The following RFX8 variants were observed in gnomAD, a reference collection of about 807,000 sequenced individuals.
RFX8 encodes DNA-binding protein RFX8.
In RFX8, 46 loss-of-function variants were observed where a neutral mutation model predicts 54.6. That is an observed-to-expected ratio of 0.84 (90% CI 0.67 to 1.08). The LOEUF is 1.08. Among genes scored for constraint, RFX8 ranks in the 50% least tolerant of loss-of-function variants. The pLI is 0.00. For missense variants in RFX8, 536 were observed against 562.3 expected (o/e 0.95, Z 0.47); for synonymous variants, 192 against 209.5 (o/e 0.92, Z 0.72).
rs1369973138 is a variant in RFX8 at position 101,405,023 on chromosome 2, T to C, written c.928+920A>G. On this transcript the variant is annotated intron_variant, in intron 10 of 11. Transcript: ENST00000428343. ...TGCAAACTCACAGGAGTGGAGACTTTATCTTTCCACTGCTGTATGCCCAGT... is the reference window on the plus strand; with the variant it reads ...TGCAAACTCACAGGAGTGGAGACTTCATCTTTCCACTGCTGTATGCCCAGT... Among the ~76,000 whole-genome samples the C allele has an allele frequency of 5.3e-5, 8 of 152,196 alleles. No homozygotes were observed. In the South Asian group the frequency reaches 1.2e-3, roughly 24 times the overall value.
intron 9 of RFX8, among the ~76,000 whole-genome samples, chr2:101,408,826 C>T (rs1360867181): frequency 6.6e-6 from 1 of 152,190 alleles, no homozygotes; most frequent in Non-Finnish European, 1.5e-5. Flanking sequence ...AAGTCCCCTG[C>T]AGTCTTCTTG....
At position 101,421,837 on chromosome 2, in the gene RFX8, T is replaced by C. The variant is rs1162265553; in HGVS notation, c.184-60A>G. 8 of 1,276,226 alleles carry C rather than the reference T, an allele frequency of 6.3e-6. No homozygotes were observed. In the East Asian group the frequency reaches 7.7e-5, roughly 12 times the overall value. The allele number at this position is 1,276,226 out of a possible 1,614,324, so 79.1% of individuals were successfully genotyped here. A position where few individuals can be genotyped will look rare whatever the true frequency, so the allele number is the denominator to read the frequency against. Reference sequence around the variant, plus strand: ...GGCCTTTTCAATAATGAACTGATCTTCACAGACTTTTCTGAAGCTCTCAGA... The same window carrying C: ...GGCCTTTTCAATAATGAACTGATCTCCACAGACTTTTCTGAAGCTCTCAGA... On this transcript the variant is annotated intron_variant, in intron 3 of 11. Coordinates refer to ENST00000428343, the MANE Select transcript of RFX8 (RefSeq NM_001145664.2).
At chr2:101,454,244 G>C (rs1688847619) in intron 2 of RFX8, among the ~76,000 whole-genome samples, 1 of 152,126 alleles carries the variant, frequency 6.6e-6, no homozygotes, top group Non-Finnish European at 1.5e-5. Context: ...TTTTATGGCT[G>C]CATAGTATTC....
At chr2:101,451,689 CAAA>C (rs11441528) in intron 2 of RFX8, among the ~76,000 whole-genome samples, 9 of 111,580 alleles carry the variant, frequency 8.1e-5, no homozygotes, top group Admixed American at 9.8e-5. Flanking sequence ...AACTCCGTCT[CAAA>C]AAAAAAAAAA....
At position 101,426,392 on chromosome 2, in the gene RFX8, G is replaced by A. The variant is rs1432233318; in HGVS notation, c.73-3920C>T. Among the ~76,000 whole-genome samples, 7 of 152,126 alleles carry A rather than the reference G, an allele frequency of 4.6e-5. No homozygotes were observed. The East Asian group carries it at 9.7e-4, about 21-fold the overall frequency. ...AACATTTCTGGGCATGGTGACATAC[G>A]CCTGTAGTCCTAAATACTCAGGAGG... On this transcript the variant is annotated intron_variant, in intron 2 of 11. Coordinates refer to ENST00000428343, the MANE Select transcript of RFX8 (RefSeq NM_001145664.2).
chr2:101,412,783 G>T, intron 8 of RFX8, 132 bp downstream of exon 8: 1 of 915,504 alleles, frequency 1.1e-6, no homozygotes, highest in Non-Finnish European at 1.6e-6. Context: ...AGAGAAGTGT[G>T]AGCAGACAAC....
intron 2 of RFX8, among the ~76,000 whole-genome samples, chr2:101,451,026 C>T (rs1053799070): frequency 6.6e-6 from 1 of 152,038 alleles, no homozygotes; most frequent in African/African-American, 2.4e-5. Context: ...ACCCATTAAC[C>T]TTTTTCAGGT....
chr2:101,430,925 A>G (rs183740220), intron 2 of RFX8, among the ~76,000 whole-genome samples: 1 of 152,212 alleles, frequency 6.6e-6, no homozygotes, highest in Non-Finnish European at 1.5e-5. Flanking sequence ...TAATCAGCAA[A>G]ATATGGTCAT....
At chr2:101,456,563 G>A (rs1279218303) in intron 2 of RFX8, among the ~76,000 whole-genome samples, 9 of 152,218 alleles carry the variant, frequency 5.9e-5, no homozygotes, top group South Asian at 2.1e-4. Context: ...GGATGAAGCC[G>A]ACTTGATCAT....
intron 2 of RFX8, chr2:101,450,638 G>A (rs1300268787): frequency 6.6e-7 from 1 of 1,516,868 alleles, no homozygotes; most frequent in Non-Finnish European, 8.9e-7. Flanking sequence ...ACTGGGCATA[G>A]AAGAAAGAGC....
At chr2:101,421,131 G>A (rs996209545) in intron 4 of RFX8, 16 of 449,254 alleles carry the variant, frequency 3.6e-5, no homozygotes, top group African/African-American at 8.5e-5. Context: ...CTGAATGAGC[G>A]TTATCACCCA....
At chr2:101,436,731 G>A (rs968001191) in intron 2 of RFX8, among the ~76,000 whole-genome samples, 11 of 152,176 alleles carry the variant, frequency 7.2e-5, no homozygotes, top group Non-Finnish European at 1.2e-4. Context: ...GTGTGAGAAC[G>A]CACCCTGAGC....
At chr2:101,450,470 C>T in intron 2 of RFX8, 1 of 565,074 alleles carries the variant, frequency 1.8e-6, no homozygotes, top group East Asian at 3.0e-5. Context: ...TCAAGCGGTT[C>T]TTGTGCCCCA....
chr2:101,403,819 G>T (rs1207200925), intron 10 of RFX8, among the ~76,000 whole-genome samples: 2 of 152,028 alleles, frequency 1.3e-5, no homozygotes, highest in Admixed American at 6.6e-5. Context: ...CATATCAAAG[G>T]TTTTATTTAA....
intron 2 of RFX8, among the ~76,000 whole-genome samples, chr2:101,459,985 G>A (rs1239721050): frequency 1.3e-5 from 2 of 152,178 alleles, no homozygotes; most frequent in Non-Finnish European, 2.9e-5. Context: ...ATCCTCGCAG[G>A]TCGATCTCAG....
Position 101,456,022 on chromosome 2 carries a change from T to C in RFX8, c.72+10755A>G, listed in dbSNP as rs535668426. 9.3e-3 allele frequency among the ~76,000 whole-genome samples: 1,411 copies of C among 152,172 alleles called. 23 individuals carry two copies. Among genetic ancestry groups the C allele is most frequent in the African/African-American group, 0.033 (1,365 of 41,522 alleles). On this transcript the variant is annotated intron_variant, in intron 2 of 11. Coordinates refer to ENST00000428343, the MANE Select transcript of RFX8 (RefSeq NM_001145664.2). The stretch of plus-strand genomic sequence containing the variant: ...TCATGATTTGGCTCTCTGTCTGTAA[T>C]TGGTGTATAGGAATGCTTGTAATTT...
intron 2 of RFX8, among the ~76,000 whole-genome samples, chr2:101,432,639 G>C (rs185288187): frequency 6.6e-6 from 1 of 152,112 alleles, no homozygotes; most frequent in Admixed American, 6.5e-5. Context: ...TGCCCCCTGC[G>C]TCATTTCCAG....
chr2:101,421,129 G>T, intron 4 of RFX8: 1 of 420,428 alleles, frequency 2.4e-6, no homozygotes, highest in Non-Finnish European at 3.2e-6. Flanking sequence ...TGCTGAATGA[G>T]CGTTATCACC....
chr2:101,402,875 A>C (rs1685528483), intron 10 of RFX8, 123 bp from the exon 11 acceptor site: 5 of 884,168 alleles, frequency 5.7e-6, no homozygotes, highest in Non-Finnish European at 8.4e-6. Context: ...CCAATAGCTT[A>C]CCCAGAAGAG....
Sources: gnomAD v4.1 joint callset for allele counts (sites outside exome capture counted in the v4.1 genomes callset) on GRCh38, gnomAD v4.1.1 for gene constraint, MANE v1.5 for transcripts, NCBI Gene and HGNC (gene_info 2026-07-23, HGNC 2026-07-21) for gene names.